Variants in STK33 observed in about 807,000 individuals in gnomAD.
The protein encoded by STK33 is serine/threonine kinase 33, also known as serine/threonine-protein kinase 33.
In STK33, 52 loss-of-function variants were observed where a neutral mutation model predicts 58.0. That is an observed-to-expected ratio of 0.90 (90% CI 0.72 to 1.13). The LOEUF (loss-of-function observed/expected upper bound fraction) is 1.13. Ranked by LOEUF, STK33 falls within the 50% of genes most tolerant of loss-of-function variation. The pLI is 0.00. For synonymous variants in STK33, 215 were observed against 200.1 expected (o/e 1.07, Z -0.63); for missense variants, 630 against 604.2 (o/e 1.04, Z -0.45).
chr11:8,366,482 G>C, the STK33 span, among the ~76,000 whole-genome samples: 136 of 152,264 alleles, frequency 8.9e-4, no homozygotes, highest in South Asian at 9.5e-3. Context: ...AGACGGGGTC[G>C]GGGGAGGCTC....
At chr11:8,384,816 C>A in the STK33 span, among the ~76,000 whole-genome samples, 6 of 152,146 alleles carry the variant, frequency 3.9e-5, no homozygotes, top group Non-Finnish European at 8.8e-5. Context: ...AATAGCAGTG[C>A]GTCCAGCCAT....
In STK33 at chr11:8,436,026, C is replaced by T; in HGVS notation, c.1060+1G>A. 1.3e-6 allele frequency: 2 copies of T among 1,555,036 alleles called. No individual in the cohort carries two copies. The highest frequency in any genetic ancestry group is 1.7e-6 in the Non-Finnish European group (2 of 1,148,034). ...GTAAATAATAACGCATCTATACTTA[C>T]CACAGTCACTTATGGAATTCCAGAC... is the stretch of plus-strand genomic sequence containing the variant. On this transcript the variant is annotated splice_donor_variant, in intron 13 of 15. Coordinates refer to ENST00000687296, the MANE Select transcript of STK33 (RefSeq NM_001352389.2). LOFTEE classifies it high-confidence loss of function.
intron 1 of STK33, among the ~76,000 whole-genome samples, chr11:8,570,630 C>T (rs953267041): frequency 6.6e-6 from 1 of 152,096 alleles, no homozygotes; most frequent in Non-Finnish European, 1.5e-5. Flanking sequence ...CTGTATGATT[C>T]CATTTACATA....
intron 1 of STK33, among the ~76,000 whole-genome samples, chr11:8,501,414 G>A (rs1407292399): frequency 2.6e-5 from 4 of 152,082 alleles, no homozygotes; most frequent in Non-Finnish European, 4.4e-5. Flanking sequence ...TATACAAATG[G>A]CCAATAAGCA....
chr11:8,549,680 G>C (rs904014808), intron 1 of STK33, among the ~76,000 whole-genome samples: 1 of 151,960 alleles, frequency 6.6e-6, no homozygotes, highest in Non-Finnish European at 1.5e-5. Context: ...GTCTGTTCAG[G>C]TTTCCTATTT....
chr11:8,478,584 G>A (rs922022088), intron 2 of STK33, among the ~76,000 whole-genome samples: 4 of 152,044 alleles, frequency 2.6e-5, no homozygotes, highest in Non-Finnish European at 5.9e-5. Context: ...TACACTTACA[G>A]CAATTTCCTC....
intron 1 of STK33, among the ~76,000 whole-genome samples, chr11:8,553,330 CATAAGT>C (rs1369491818): frequency 6.7e-6 from 1 of 149,160 alleles, no homozygotes; most frequent in Non-Finnish European, 1.5e-5. Flanking sequence ...ATGTACTTTA[CATAAGT>C]ATATGTCCCA....
intron 7 of STK33, among the ~76,000 whole-genome samples, chr11:8,463,647 A>G (rs1947836272): frequency 6.6e-6 from 1 of 152,188 alleles, no homozygotes. Context: ...CCCTTCCCAA[A>G]TGGCTTGGCC....
At chr11:8,361,169 A>G in the STK33 span, among the ~76,000 whole-genome samples, 336 of 152,276 alleles carry the variant, frequency 2.2e-3, 2 homozygotes, top group African/African-American at 7.4e-3. This position sits in a 1 kb window ranked among gnomAD's most constrained non-coding sequence, Gnocchi z 4.8. Flanking sequence ...AGGTTCATTC[A>G]TCTATCCACC....
rs140237099 is a variant in STK33, at chr11:8,397,298, G to A, written c.1345-4588C>T. Among the ~76,000 whole-genome samples, 1,085 of 152,358 alleles carry A rather than the reference G, an allele frequency of 7.1e-3. 11 individuals carry two copies. The highest frequency in any genetic ancestry group is 0.024 in the African/African-American group (990 of 41,590). On this transcript the variant is annotated intron_variant, in intron 15 of 15. Coordinates refer to ENST00000687296, the MANE Select transcript of STK33 (RefSeq NM_001352389.2). ...GAATGATCAGGCAGCAACATTTGCT[G>A]TTCACCAATATCCGCTGTTCTGCAG...
At chr11:8,536,745 T>A (rs943348351) in intron 1 of STK33, among the ~76,000 whole-genome samples, 1 of 151,892 alleles carries the variant, frequency 6.6e-6, no homozygotes, top group African/African-American at 2.4e-5. Context: ...AATGTCCCTT[T>A]TTCTTTTCTT....
At chr11:8,367,479 G>A in the STK33 span, among the ~76,000 whole-genome samples, 2,103 of 152,286 alleles carry the variant, frequency 0.014, 46 homozygotes, top group African/African-American at 0.046. Flanking sequence ...CTGAGCCCAG[G>A]ACTCTAAGGG....
the STK33 span, among the ~76,000 whole-genome samples, chr11:8,335,289 C>T: frequency 3.5e-3 from 540 of 152,262 alleles, 5 homozygotes; most frequent in African/African-American, 0.012. Flanking sequence ...TTAACAGGAT[C>T]GGACAGCACA....
At chr11:8,402,359 A>G (rs36155078) in intron 15 of STK33, among the ~76,000 whole-genome samples, 25,913 of 151,326 alleles carry the variant, frequency 0.17, 2,629 homozygotes, top group South Asian at 0.31. Context: ...GCAAACTATC[A>G]CAAGGACAAA....
rs79171115 is a variant in STK33 at position 8,561,283 on chromosome 11, G to A, written c.-466+32800C>T. Reference sequence around the variant, plus strand: ...GGTTGTTATCTTTATGCATAAATAAGAGCTTGACCAGGTATTAAATCTGTG... The same window carrying A: ...GGTTGTTATCTTTATGCATAAATAAAAGCTTGACCAGGTATTAAATCTGTG... On this transcript the variant is annotated intron_variant, in intron 1 of 15. Coordinates refer to ENST00000687296, the MANE Select transcript of STK33 (RefSeq NM_001352389.2). Among the ~76,000 whole-genome samples, 1,048 of 152,214 alleles carry A rather than the reference G, an allele frequency of 6.9e-3. 12 individuals are homozygous for A. Among genetic ancestry groups the A allele is most frequent in the African/African-American group, 0.023 (955 of 41,534 alleles).
At chr11:8,483,458 T>C (rs991011064) in intron 1 of STK33, among the ~76,000 whole-genome samples, 6 of 152,150 alleles carry the variant, frequency 3.9e-5, no homozygotes, top group African/African-American at 1.4e-4. Flanking sequence ...GAGTGGGACA[T>C]GAGGCTCTTG....
rs34448251 is a variant in STK33 at position 8,585,222 on chromosome 11, A to ATTTT, written c.-466+8857_-466+8860dup. On this transcript the variant is annotated intron_variant, in intron 1 of 15. Coordinates refer to ENST00000687296, the MANE Select transcript of STK33 (RefSeq NM_001352389.2). ...ACAGGTGTGAGCCACTGCACCCAGC[A>ATTTT]TTTTTTTTTTTTTTTTTTTTGAGAC... is the stretch of plus-strand genomic sequence containing the variant. 6.3e-4 allele frequency among the ~76,000 whole-genome samples: 56 copies of ATTTT among 89,310 alleles called. 4 individuals are homozygous for ATTTT. Among genetic ancestry groups the ATTTT allele is most frequent in the African/African-American group, 1.5e-3 (31 of 20,690 alleles). 58.6% of individuals were successfully genotyped at this position (89,310 alleles called of 152,430 possible).
rs558005285 is a variant in STK33, at chr11:8,426,515, G to A, written c.1146+8979C>T. ...GCCTGGGGGTGGAGCCCTAGCCAGG[G>A]ACTATGCCCTCCTCTACCTACCTTG... On this transcript the variant is annotated intron_variant, in intron 14 of 15. Coordinates refer to ENST00000687296, the MANE Select transcript of STK33 (RefSeq NM_001352389.2). Among the ~76,000 whole-genome samples, 52 of 152,274 alleles carry A rather than the reference G, an allele frequency of 3.4e-4. 1 individual carries two copies. In the South Asian group the frequency reaches 0.011, roughly 31 times the overall value.
chr11:8,492,710 C>G (rs926954175), intron 1 of STK33, among the ~76,000 whole-genome samples: 1 of 152,178 alleles, frequency 6.6e-6, no homozygotes, highest in African/African-American at 2.4e-5. Context: ...AAGCTCTCCT[C>G]AGCAAATGTA....
Sources: gnomAD v4.1 joint callset for allele counts (sites outside exome capture counted in the v4.1 genomes callset) on GRCh38, gnomAD v4.1.1 for gene constraint, Gnocchi (gnomAD v3.1) non-coding constraint, MANE v1.5 for transcripts, NCBI Gene and HGNC (gene_info 2026-07-23, HGNC 2026-07-21) for gene names.